PPP2R2B: variants seen among roughly 807,000 people sequenced by gnomAD.
The protein encoded by PPP2R2B is serine/threonine-protein phosphatase 2A 55 kDa regulatory subunit B beta isoform.
In PPP2R2B, 5 loss-of-function variants were observed where a neutral mutation model predicts 46.0. The observed-to-expected ratio is 0.11, with a 90% confidence interval of 0.06 to 0.23. PPP2R2B has a LOEUF of 0.23. Ranked by LOEUF, PPP2R2B falls within the 10% of genes least tolerant of loss-of-function variation. PPP2R2B has a pLI of 1.00. For synonymous variants in PPP2R2B, 215 were observed against 206.7 expected (o/e 1.04, Z -0.34); for missense variants, 367 against 575.0 (o/e 0.64, Z 3.70).
chr5:146,649,850 G>C (rs1400312557), intron 6 of PPP2R2B, among the ~76,000 whole-genome samples: 1 of 152,102 alleles, frequency 6.6e-6, no homozygotes, highest in African/African-American at 2.4e-5. Context: ...AATATAAAGA[G>C]GCATGATGGG....
At chr5:146,792,817 G>A (rs1411143176) in intron 2 of PPP2R2B, among the ~76,000 whole-genome samples, 1 of 152,164 alleles carries the variant, frequency 6.6e-6, no homozygotes, top group Non-Finnish European at 1.5e-5. Context: ...TAGGAAGTGA[G>A]GTTAGAGAAT....
chr5:146,620,013 C>T (rs745829128), intron 7 of PPP2R2B, among the ~76,000 whole-genome samples: 62 of 152,270 alleles, frequency 4.1e-4, no homozygotes, highest in Admixed American at 1.4e-3. Context: ...ACAACAAGAG[C>T]ACCTGTTACC....
intron 2 of PPP2R2B, among the ~76,000 whole-genome samples, chr5:146,844,837 CT>C (rs1759887985): frequency 6.6e-6 from 1 of 152,162 alleles, no homozygotes; most frequent in African/African-American, 2.4e-5. Flanking sequence ...GCAGAACTTT[CT>C]TCCAACTTTC....
intron 7 of PPP2R2B, among the ~76,000 whole-genome samples, chr5:146,618,181 C>T (rs909431551): frequency 6.6e-6 from 1 of 152,140 alleles, no homozygotes. Flanking sequence ...GTGTAATGAC[C>T]ATGGTCCTTA....
intron 1 of PPP2R2B, among the ~76,000 whole-genome samples, chr5:147,050,321 A>G (rs1756745481): frequency 6.6e-6 from 1 of 152,166 alleles, no homozygotes; most frequent in Admixed American, 6.6e-5. Flanking sequence ...GTGTGCATTT[A>G]TAAGATGAGA....
intron 3 of PPP2R2B, 101 bp from the exon 4 acceptor site, chr5:146,698,245 G>C: frequency 6.6e-6 from 6 of 906,908 alleles, no homozygotes; most frequent in Non-Finnish European, 9.3e-6. Flanking sequence ...GGGGTGGGAT[G>C]AGGGCAGGGC....
At chr5:147,026,933 A>G (rs1190168990) in intron 1 of PPP2R2B, among the ~76,000 whole-genome samples, 1 of 152,222 alleles carries the variant, frequency 6.6e-6, no homozygotes, top group East Asian at 1.9e-4. Flanking sequence ...TTCTACTCCT[A>G]GTATTTACTC....
chr5:146,980,059 A>G (rs993203419), intron 1 of PPP2R2B, among the ~76,000 whole-genome samples: 20 of 152,232 alleles, frequency 1.3e-4, no homozygotes, highest in African/African-American at 4.6e-4. Context: ...TTTAAATTTA[A>G]TTCCATAATT....
chr5:146,766,787 C>T (rs1754505134), intron 2 of PPP2R2B, among the ~76,000 whole-genome samples: 1 of 152,050 alleles, frequency 6.6e-6, no homozygotes, highest in Non-Finnish European at 1.5e-5. Context: ...GGCACGGTGG[C>T]TCATGTCTGT....
rs149820551 is a variant in PPP2R2B, at chr5:146,863,014, G to A, written c.70+14988C>T. On this transcript the variant is annotated intron_variant, in intron 2 of 9. Transcript: ENST00000394411. ...CATGTTGCCAGCTGAAGTACAATAC[G>A]ATAATCAGACTGCTTTTGCTTTTTT... 1.7e-3 allele frequency among the ~76,000 whole-genome samples: 259 copies of A among 151,516 alleles called. 3 individuals carry two copies. Among genetic ancestry groups the A allele is most frequent in the African/African-American group, 5.6e-3 (233 of 41,376 alleles).
intron 1 of PPP2R2B, among the ~76,000 whole-genome samples, chr5:147,034,083 C>T (rs796369359): frequency 8.5e-5 from 13 of 152,290 alleles, no homozygotes; most frequent in African/African-American, 3.1e-4. Context: ...CATCATTCTT[C>T]CCCTTGCAAA....
At chr5:146,955,647 C>G (rs887033110) in intron 1 of PPP2R2B, among the ~76,000 whole-genome samples, 1 of 152,006 alleles carries the variant, frequency 6.6e-6, no homozygotes. Context: ...AGAACTGGAA[C>G]AAAGGGGCTT....
chr5:146,934,939 T>A (rs963103508), intron 1 of PPP2R2B, among the ~76,000 whole-genome samples: 12 of 152,038 alleles, frequency 7.9e-5, no homozygotes, highest in African/African-American at 2.7e-4. Context: ...AGATGGGAAA[T>A]TATCACTTTT....
intron 2 of PPP2R2B, chr5:146,707,329 A>T: frequency 2.0e-6 from 2 of 979,048 alleles, no homozygotes; most frequent in South Asian, 2.5e-5. Flanking sequence ...GAAGGTCTTG[A>T]TCTGCTCCTT....
At chr5:146,994,745 A>G (rs1056334559) in intron 1 of PPP2R2B, among the ~76,000 whole-genome samples, 2 of 152,124 alleles carry the variant, frequency 1.3e-5, no homozygotes, top group African/African-American at 4.8e-5. Context: ...CATGCATGTG[A>G]ATGGTGAGGA....
At chr5:146,650,397 GA>G in intron 6 of PPP2R2B, 149 bp downstream of exon 6, 3 of 645,680 alleles carry the variant, frequency 4.6e-6, no homozygotes. Flanking sequence ...TATGATTAAA[GA>G]GTCTCATAGG....
chr5:146,730,826 G>GCT (rs1752183559), intron 2 of PPP2R2B, among the ~76,000 whole-genome samples: 1 of 152,110 alleles, frequency 6.6e-6, no homozygotes, highest in African/African-American at 2.4e-5. Context: ...GCATAAAAAT[G>GCT]GACTAATACA....
intron 1 of PPP2R2B, among the ~76,000 whole-genome samples, chr5:146,895,079 G>T (rs1762604119): frequency 6.6e-6 from 1 of 152,160 alleles, no homozygotes; most frequent in African/African-American, 2.4e-5. Context: ...GGAATTTAGA[G>T]CTTCCTTTCA....
chr5:146,898,496 C>T (rs1241218633), intron 1 of PPP2R2B, among the ~76,000 whole-genome samples: 2 of 152,054 alleles, frequency 1.3e-5, no homozygotes, highest in Non-Finnish European at 2.9e-5. Context: ...AAGACTTGAA[C>T]ATTAGACCTA....
Sources: allele counts gnomAD v4.1 joint callset (sites outside exome capture counted in the v4.1 genomes callset), GRCh38; gene constraint gnomAD v4.1.1; transcripts MANE v1.5; gene names NCBI Gene and HGNC (gene_info 2026-07-23, HGNC 2026-07-21).